PLCE1: variants seen among roughly 807,000 people sequenced by gnomAD.
PLCE1 encodes phospholipase C epsilon 1, also known as 1-phosphatidylinositol 4,5-bisphosphate phosphodiesterase epsilon-1.
Under a neutral mutation model 242.8 loss-of-function variants are expected in PLCE1, and 119 were observed. The ratio of observed to expected loss-of-function variants is 0.49; its 90% CI spans 0.42 to 0.57. The LOEUF (loss-of-function observed/expected upper bound fraction) is 0.57. PLCE1 is among the 20% of genes least tolerant of loss of function. The probability of loss-of-function intolerance (pLI) is 0.00; values close to 1 mark genes in which losing one functional copy is unlikely to be tolerated. For missense variants in PLCE1, 2,441 were observed against 2,788.8 expected (o/e 0.88, Z 2.81); for synonymous variants, 945 against 1,017.4 (o/e 0.93, Z 1.35).
chr10:94,045,527 A>G (rs2061863558), intron 2 of PLCE1, among the ~76,000 whole-genome samples: 1 of 152,232 alleles, frequency 6.6e-6, no homozygotes, highest in Admixed American at 6.5e-5. Flanking sequence ...ACAGGTTTAC[A>G]TAGCTAATGA....
Position 94,031,190 on chromosome 10 carries a change from G to A in PLCE1, c.144G>A (p.Gly48=). 6.2e-7 allele frequency: 1 copy of A among 1,613,778 alleles called. No homozygotes were observed. The highest frequency in any genetic ancestry group is 8.5e-7 in the Non-Finnish European group (1 of 1,179,840). The change falls in exon 2 of 33, where the codon GGG becomes GGA. Residue 48 remains glycine (G), a synonymous_variant. Coordinates refer to ENST00000371380, the MANE Select transcript of PLCE1 (RefSeq NM_016341.4). ...ISKAHTVRRS[G]ETSHTISQLN... ...AAGCACATACTGTCAGACGAAGTGG[G>A]GAGACTTCTCATACCATCTCACAAC...
Position 94,242,456 on chromosome 10 carries a change from G to A in PLCE1, c.2421-3490G>A, listed in dbSNP as rs141327287. Among the ~76,000 whole-genome samples, 537 of 152,188 alleles carry A rather than the reference G, an allele frequency of 3.5e-3. 4 individuals are homozygous for A. The highest frequency in any genetic ancestry group is 0.012 in the African/African-American group (487 of 41,518). On this transcript the variant is annotated intron_variant, in intron 7 of 32. Coordinates refer to ENST00000371380, the MANE Select transcript of PLCE1 (RefSeq NM_016341.4). Reference sequence around the variant, plus strand: ...GTCCCAGGTAGCTGGGACTACAGGTGCCTGCCACCACGCCCAGCTAATTTT... The same window carrying A: ...GTCCCAGGTAGCTGGGACTACAGGTACCTGCCACCACGCCCAGCTAATTTT...
Position 94,255,009 on chromosome 10 carries a change from T to A in PLCE1, c.3514T>A (p.Ser1172Thr), listed in dbSNP as rs2051018900. 1 of 1,614,034 alleles carries A rather than the reference T, an allele frequency of 6.2e-7. No individual in the cohort carries two copies. Among genetic ancestry groups the A allele is most frequent in the African/African-American group, 1.3e-5 (1 of 74,932 alleles). ...AGTSSPIRPV[S>T]SPVLSSSNKS... ...GACGTCATCTCCCATCAGGCCAGTG[T>A]CCTCCCCTGTGCTGTCTTCTTCAAA... Residue 1172 changes from serine (S) to threonine (T), a missense_variant, in exon 11 of 33, where the codon TCC becomes ACC. Coordinates refer to ENST00000371380, the MANE Select transcript of PLCE1 (RefSeq NM_016341.4).
intron 3 of PLCE1, among the ~76,000 whole-genome samples, chr10:94,148,027 A>T (rs1430661568): frequency 6.6e-6 from 1 of 152,224 alleles, no homozygotes; most frequent in African/African-American, 2.4e-5. Context: ...GATGACAGAT[A>T]GACCTAAGTC....
At chr10:94,127,607 G>A (rs1004078450) in intron 2 of PLCE1, among the ~76,000 whole-genome samples, 17 of 152,096 alleles carry the variant, frequency 1.1e-4, no homozygotes, top group Non-Finnish European at 2.2e-4. Flanking sequence ...GAAATAATTC[G>A]CGGCCATTTT....
chr10:94,163,987 C>T lies in PLCE1; in HGVS notation c.1493-7193C>T, dbSNP rs377716467. On this transcript the variant is annotated intron_variant, in intron 3 of 32. Transcript: ENST00000371380. ...AAATGTTGAATATTGGCCCCCACTCCCTTCTGGCTTGTAGAGTTTCTGCCG... is the reference window on the plus strand; with the variant it reads ...AAATGTTGAATATTGGCCCCCACTCTCTTCTGGCTTGTAGAGTTTCTGCCG... 3.3e-5 allele frequency among the ~76,000 whole-genome samples: 5 copies of T among 152,266 alleles called. No homozygotes were observed. The East Asian group carries it at 7.7e-4, about 23-fold the overall frequency.
intron 19 of PLCE1, 155 bp from the exon 20 acceptor site, chr10:94,279,627 T>C (rs1291451139): frequency 1.3e-6 from 1 of 742,336 alleles, no homozygotes; most frequent in African/African-American, 1.7e-5. Context: ...ACATTGCATT[T>C]CGAGGGAATC....
At chr10:94,285,940 G>C (rs890097226) in intron 22 of PLCE1, among the ~76,000 whole-genome samples, 1 of 152,150 alleles carries the variant, frequency 6.6e-6, no homozygotes, top group Non-Finnish European at 1.5e-5. Flanking sequence ...AAGCCTGTCT[G>C]TCTCCAAAGT....
At chr10:94,319,490 TCCTG>T (rs1187988356) in intron 29 of PLCE1, among the ~76,000 whole-genome samples, 1 of 152,186 alleles carries the variant, frequency 6.6e-6, no homozygotes, top group Non-Finnish European at 1.5e-5. Flanking sequence ...CTCTGATCTC[TCCTG>T]CCTTTTATAA....
Position 94,248,042 on chromosome 10 carries a change from T to C in PLCE1, c.3096+1421T>C, listed in dbSNP as rs527490719. Among the ~76,000 whole-genome samples the C allele has an allele frequency of 2.6e-5, 4 of 152,372 alleles. 1 individual carries two copies. The South Asian group carries it at 8.3e-4, about 32-fold the overall frequency. ...GAACAAATAGAACTACCACTTGAAC[T>C]ACTCAAATGCCTGATTTCATGTACT... is the stretch of plus-strand genomic sequence containing the variant. On this transcript the variant is annotated intron_variant, in intron 8 of 32. Coordinates refer to ENST00000371380, the MANE Select transcript of PLCE1 (RefSeq NM_016341.4).
chr10:94,324,815 C>T, intron 31 of PLCE1, 77 bp from the exon 32 acceptor site: 1 of 1,427,750 alleles, frequency 7.0e-7, no homozygotes, highest in Non-Finnish European at 9.8e-7. Flanking sequence ...GAGGAAAGCG[C>T]TCTTCTGAAA....
intron 2 of PLCE1, among the ~76,000 whole-genome samples, chr10:94,084,174 A>C (rs2135272500): frequency 6.6e-6 from 1 of 152,332 alleles, no homozygotes; most frequent in East Asian, 1.9e-4. Context: ...CTGTGCAGCC[A>C]AGCCTCCTAA....
intron 3 of PLCE1, among the ~76,000 whole-genome samples, chr10:94,154,102 G>A (rs1475025794): frequency 6.6e-6 from 1 of 152,140 alleles, no homozygotes; most frequent in African/African-American, 2.4e-5. Context: ...AAAATGTTGT[G>A]ATACAGGCAT....
At chr10:94,279,578 A>T in intron 19 of PLCE1, 1 of 609,340 alleles carries the variant, frequency 1.6e-6, no homozygotes, top group East Asian at 2.9e-5. Flanking sequence ...AAGCTCCAGG[A>T]TTCTTCCTGT....
At chr10:94,064,325 T>C (rs1589946176) in intron 2 of PLCE1, among the ~76,000 whole-genome samples, 1 of 151,968 alleles carries the variant, frequency 6.6e-6, no homozygotes, top group Admixed American at 6.6e-5. Context: ...CTGAGGTAGG[T>C]GGATCACTTG....
intron 2 of PLCE1, among the ~76,000 whole-genome samples, chr10:94,130,442 C>T (rs2046563768): frequency 6.6e-6 from 1 of 152,186 alleles, no homozygotes; most frequent in African/African-American, 2.4e-5. Context: ...ACATGTTTAT[C>T]ATGGTGAATC....
chr10:94,264,808 C>T (rs1023819945), intron 14 of PLCE1, among the ~76,000 whole-genome samples: 3 of 152,150 alleles, frequency 2.0e-5, no homozygotes, highest in African/African-American at 7.2e-5. Context: ...GCGTGAGCCA[C>T]CGCGCCTGGC....
chr10:94,318,896 A>AAATT (rs2053671439), intron 29 of PLCE1, among the ~76,000 whole-genome samples: 1 of 152,132 alleles, frequency 6.6e-6, no homozygotes, highest in African/African-American at 2.4e-5. Context: ...AAAAATACAA[A>AAATT]AATTAGCAGG....
rs530724888 is a variant in PLCE1, at chr10:94,259,083, C to T, written c.3747C>T (p.Ser1249=). 2.1e-5 allele frequency: 34 copies of T among 1,613,958 alleles called. No individual in the cohort carries two copies. Among genetic ancestry groups the T allele is most frequent in the East Asian group, 8.9e-5 (4 of 44,880 alleles). ...CAGTGCCCTGCAACCGATCTGGCTC[C>T]GAGTCAGCCCCACTCTACACCAACC... ...VYAVPCNRSG[S]ESAPLYTNLT... Residue 1249 remains serine, a synonymous_variant, in exon 13 of 33, where the codon TCC becomes TCT. Transcript: ENST00000371380.
Sources: gnomAD v4.1 joint callset for allele counts (sites outside exome capture counted in the v4.1 genomes callset) on GRCh38, gnomAD v4.1.1 for gene constraint, MANE v1.5 for transcripts, NCBI Gene and HGNC (gene_info 2026-07-23, HGNC 2026-07-21) for gene names.